MLLT10: variants seen among roughly 807,000 people sequenced by gnomAD.
MLLT10 encodes the protein protein AF-10.
A neutral mutation model predicts 129.1 loss-of-function variants in MLLT10; 30 were observed. The ratio of observed to expected loss-of-function variants is 0.23; its 90% CI spans 0.17 to 0.32. MLLT10 has a LOEUF of 0.32. Ranked by LOEUF, MLLT10 falls within the 10% of genes least tolerant of loss-of-function variation. MLLT10 has a pLI of 1.00. For synonymous variants in MLLT10, 490 were observed against 446.4 expected, an observed-to-expected ratio of 1.10 and a Z score of -1.23; for missense variants, 1,119 against 1,268.3, an observed-to-expected ratio of 0.88 and a Z score of 1.79.
chr10:21,705,372 G>A (rs988273166), intron 13 of MLLT10, among the ~76,000 whole-genome samples: 2 of 152,212 alleles, frequency 1.3e-5, no homozygotes, highest in African/African-American at 4.8e-5. Context: ...AGACTTGTGT[G>A]CTCTGGCATG....
At chr10:21,729,171 A>AT (rs1473898313) in intron 16 of MLLT10, among the ~76,000 whole-genome samples, 7 of 152,146 alleles carry the variant, frequency 4.6e-5, no homozygotes, top group African/African-American at 9.7e-5. Flanking sequence ...CTAGTCTGTG[A>AT]TTTTATGCTG....
intron 8 of MLLT10, chr10:21,624,804 T>C: frequency 4.6e-6 from 5 of 1,077,256 alleles, no homozygotes; most frequent in South Asian, 4.3e-5. Flanking sequence ...CTGATTGCCC[T>C]GAGATCCACG....
chr10:21,559,036 G>A (rs1271129838), intron 3 of MLLT10, among the ~76,000 whole-genome samples: 1 of 152,144 alleles, frequency 6.6e-6, no homozygotes. Flanking sequence ...TGTTGCTAGT[G>A]TTTTGTTTGA....
rs1206695121 is a variant in MLLT10 at position 21,673,601 on chromosome 10, A to G, written c.1303A>G (p.Asn435Asp). ...AVTSQPKSFENSPGDLGNSSL... is the reference protein window; with the variant it reads ...AVTSQPKSFEDSPGDLGNSSL... ...TACTTCACAGCCTAAAAGCTTTGAA[A>G]ATTCACCTGGAGATTTGGGTAATTC... Residue 435 changes from asparagine to aspartate, a missense_variant, in exon 11 of 23, where the codon AAT (asparagine) becomes GAT (aspartate). By Grantham distance (23) the Asn-to-Asp change is conservative. Coordinates refer to ENST00000307729, the MANE Select transcript of MLLT10 (RefSeq NM_001195626.3). 3.1e-6 allele frequency: 5 copies of G among 1,613,452 alleles called. No individual in the cohort carries two copies. The East Asian group carries it at 1.1e-4, about 36-fold the overall frequency.
At chr10:21,676,069 G>C (rs2052062157) in intron 11 of MLLT10, among the ~76,000 whole-genome samples, 1 of 152,038 alleles carries the variant, frequency 6.6e-6, no homozygotes, top group Non-Finnish European at 1.5e-5. Flanking sequence ...GTAAGTATTA[G>C]TTCACAAAAA....
intron 9 of MLLT10, among the ~76,000 whole-genome samples, chr10:21,656,328 G>A (rs952171404): frequency 3.9e-5 from 6 of 152,114 alleles, no homozygotes; most frequent in African/African-American, 7.2e-5. Flanking sequence ...TTGATATATC[G>A]TAGTTGTACA....
At chr10:21,554,392 T>C (rs548635894) in intron 3 of MLLT10, among the ~76,000 whole-genome samples, 16 of 152,282 alleles carry the variant, frequency 1.1e-4, no homozygotes, top group Admixed American at 2.0e-4. Context: ...AAAGTGATTC[T>C]CTCAGCCTTC....
intron 8 of MLLT10, among the ~76,000 whole-genome samples, chr10:21,622,137 G>C (rs980701447): frequency 7.9e-6 from 1 of 126,794 alleles, no homozygotes; most frequent in Admixed American, 7.7e-5. Flanking sequence ...GTTTTTTCTT[G>C]TTTCTTTTGT....
At chr10:21,701,751 T>TA (rs1351248422) in intron 13 of MLLT10, among the ~76,000 whole-genome samples, 1 of 151,846 alleles carries the variant, frequency 6.6e-6, no homozygotes, top group African/African-American at 2.4e-5. Flanking sequence ...CACGCCTGGT[T>TA]AATTTTTTTT....
intron 3 of MLLT10, among the ~76,000 whole-genome samples, chr10:21,564,171 A>G (rs1454631585): frequency 1.3e-5 from 2 of 152,198 alleles, no homozygotes; most frequent in East Asian, 1.9e-4. Context: ...TTTGAAGGGC[A>G]GTGTCATGAT....
At chr10:21,616,427 C>G (rs1212257342) in intron 7 of MLLT10, among the ~76,000 whole-genome samples, 1 of 152,014 alleles carries the variant, frequency 6.6e-6, no homozygotes, top group Non-Finnish European at 1.5e-5. Context: ...ATCTAGTTTA[C>G]ACCAATTCGA....
intron 9 of MLLT10, among the ~76,000 whole-genome samples, chr10:21,656,694 C>T (rs1477947361): frequency 2.0e-5 from 3 of 152,194 alleles, no homozygotes; most frequent in Non-Finnish European, 4.4e-5. Flanking sequence ...TGTGGTATCA[C>T]TATCACCTTT....
chr10:21,612,325 T>A (rs758212628), intron 5 of MLLT10, 23 bp from the exon 6 acceptor site: 22 of 1,426,326 alleles, frequency 1.5e-5, no homozygotes, highest in Non-Finnish European at 2.0e-5. Context: ...ATGATTTTTG[T>A]CTTTTTTTTT....
At chr10:21,673,156 G>A (rs1026988482) in intron 10 of MLLT10, among the ~76,000 whole-genome samples, 194 bp from the exon 11 acceptor site, 7 of 151,988 alleles carry the variant, frequency 4.6e-5, no homozygotes, top group African/African-American at 7.3e-5. Flanking sequence ...AATGACACAT[G>A]TTTTTAAAGG....
intron 2 of MLLT10, among the ~76,000 whole-genome samples, chr10:21,535,803 T>G (rs1220124098): frequency 2.6e-5 from 4 of 152,284 alleles, no homozygotes; most frequent in Admixed American, 2.0e-4. Flanking sequence ...GAGACGAAAA[T>G]TTGAACATCT....
intron 3 of MLLT10, among the ~76,000 whole-genome samples, chr10:21,558,275 T>A (rs868258833): frequency 6.6e-6 from 1 of 152,006 alleles, no homozygotes; most frequent in Non-Finnish European, 1.5e-5. Context: ...TTAATTGTTA[T>A]AATACTTGTC....
chr10:21,616,827 C>T (rs1201785811), intron 7 of MLLT10, among the ~76,000 whole-genome samples: 1 of 151,676 alleles, frequency 6.6e-6, no homozygotes, highest in Non-Finnish European at 1.5e-5. Flanking sequence ...TATTTTTAAG[C>T]TGATGTTGAA....
At position 21,699,821 on chromosome 10, in the gene MLLT10, G is replaced by A. The variant is rs531653821; in HGVS notation, c.1700-13951G>A. 2.0e-5 allele frequency among the ~76,000 whole-genome samples: 3 copies of A among 152,190 alleles called. No homozygotes were observed. In the East Asian group the frequency reaches 5.8e-4, roughly 29 times the overall value. ...GAAGTGACGTAGCATGATGACTCCA[G>A]CTTTGTTCTTTTGCTCAGGATTACT... On this transcript the variant is annotated intron_variant, in intron 13 of 22. Transcript: ENST00000307729.
intron 3 of MLLT10, among the ~76,000 whole-genome samples, chr10:21,541,678 G>A (rs551892356): frequency 4.1e-4 from 63 of 152,162 alleles, no homozygotes; most frequent in African/African-American, 1.5e-3. Context: ...GAGCTACCAC[G>A]CCCGGCCTGA....
Sources: allele counts gnomAD v4.1 joint callset (sites outside exome capture counted in the v4.1 genomes callset), GRCh38; gene constraint gnomAD v4.1.1; transcripts MANE v1.5; gene names NCBI Gene and HGNC (gene_info 2026-07-23, HGNC 2026-07-21).